Variants in PTPRT observed in about 807,000 individuals in gnomAD.
PTPRT encodes the protein protein tyrosine phosphatase receptor type T, also known as receptor-type tyrosine-protein phosphatase T.
PTPRT carries 56 observed loss-of-function variants against 176.8 expected under a neutral mutation model. That is an observed-to-expected ratio of 0.32 (90% CI 0.26 to 0.40). The LOEUF (loss-of-function observed/expected upper bound fraction) is 0.40, where lower values mean the gene tolerates loss of function less well. PTPRT is among the 10% of genes least tolerant of loss of function. The pLI, the probability that PTPRT is intolerant of heterozygous loss-of-function variation, is 1.00. For synonymous variants in PTPRT, 783 were observed against 739.0 expected (o/e 1.06, Z -0.96); for missense variants, 1,540 against 1,908.2 (o/e 0.81, Z 3.60).
intron 14 of PTPRT, among the ~76,000 whole-genome samples, chr20:42,246,457 G>T (rs1023310961): frequency 1.3e-5 from 2 of 152,182 alleles, no homozygotes; most frequent in Non-Finnish European, 2.9e-5. Context: ...GGGAGAAATG[G>T]TGATCATGTG....
intron 6 of PTPRT, among the ~76,000 whole-genome samples, chr20:42,689,561 T>C (rs1222100080): frequency 2.0e-5 from 3 of 152,118 alleles, no homozygotes; most frequent in African/African-American, 7.2e-5. Context: ...AATCTCTCAT[T>C]TCAGTATCAT....
At chr20:43,050,771 C>T (rs1987012616) in intron 1 of PTPRT, among the ~76,000 whole-genome samples, 2 of 152,192 alleles carry the variant, frequency 1.3e-5, no homozygotes, top group South Asian at 4.1e-4. Flanking sequence ...CAGAACCTCC[C>T]TCTCTGGTGG....
intron 11 of PTPRT, among the ~76,000 whole-genome samples, chr20:42,339,885 C>T (rs376434727): frequency 2.0e-5 from 3 of 152,282 alleles, no homozygotes; most frequent in South Asian, 2.1e-4. Flanking sequence ...AGGTCCCACG[C>T]TGTTTTCAGG....
intron 9 of PTPRT, among the ~76,000 whole-genome samples, chr20:42,427,240 G>A (rs907297587): frequency 2.6e-5 from 4 of 152,118 alleles, no homozygotes; most frequent in African/African-American, 9.7e-5. Flanking sequence ...ATACTTTACT[G>A]AGGTTAAGAA....
At chr20:42,062,029 C>T in the PTPRT span, among the ~76,000 whole-genome samples, 4 of 152,194 alleles carry the variant, frequency 2.6e-5, no homozygotes, top group African/African-American at 7.2e-5. Flanking sequence ...GGGAGGTGCC[C>T]TGGCCCAGCG....
At chr20:42,108,034 G>A (rs942007622) in intron 23 of PTPRT, among the ~76,000 whole-genome samples, 4 of 146,364 alleles carry the variant, frequency 2.7e-5, no homozygotes, top group Non-Finnish European at 4.6e-5. Flanking sequence ...TGTCTGGGAG[G>A]GAGTATAGGG....
At chr20:42,801,538 T>G (rs1272427258) in intron 2 of PTPRT, among the ~76,000 whole-genome samples, 1 of 152,222 alleles carries the variant, frequency 6.6e-6, no homozygotes, top group Non-Finnish European at 1.5e-5. Context: ...GTATTATTTG[T>G]GCACCTACTA....
At chr20:42,296,238 G>C (rs1246799844) in intron 12 of PTPRT, among the ~76,000 whole-genome samples, 4 of 152,172 alleles carry the variant, frequency 2.6e-5, no homozygotes, top group African/African-American at 9.7e-5. Context: ...ATGAGGTCAG[G>C]AGTTCGAGAC....
chr20:42,089,136 T>G (rs1020082681), intron 27 of PTPRT, among the ~76,000 whole-genome samples: 2 of 151,384 alleles, frequency 1.3e-5, no homozygotes, highest in African/African-American at 4.9e-5. Context: ...GTGTGTGTCT[T>G]GTCGGGCGCT....
At chr20:43,033,324 C>T (rs1986226559) in intron 1 of PTPRT, among the ~76,000 whole-genome samples, 1 of 152,136 alleles carries the variant, frequency 6.6e-6, no homozygotes, top group Admixed American at 6.5e-5. Context: ...AGCTTCCTCC[C>T]TTCGTGTGTT....
intron 1 of PTPRT, among the ~76,000 whole-genome samples, chr20:43,122,719 T>C (rs990052620): frequency 1.3e-5 from 2 of 152,216 alleles, no homozygotes; most frequent in African/African-American, 4.8e-5. Context: ...TCCAACATGA[T>C]TGTATGCTTC....
intron 8 of PTPRT, among the ~76,000 whole-genome samples, chr20:42,459,912 C>T (rs748298044): frequency 1.5e-4 from 23 of 151,082 alleles, no homozygotes; most frequent in Non-Finnish European, 3.3e-4. Context: ...CCACCATCCC[C>T]AGCCAGAAGG....
intron 7 of PTPRT, among the ~76,000 whole-genome samples, chr20:42,606,215 A>G (rs562614660): frequency 8.6e-5 from 13 of 151,110 alleles, no homozygotes; most frequent in Admixed American, 7.3e-4. Flanking sequence ...TTCCACCCCA[A>G]GATAAATAGA....
Position 42,236,262 on chromosome 20 carries a change from T to C in PTPRT, c.2313-4A>G, listed in dbSNP as rs772426498. ...GGAGTAGGAATAAGCATTTCTTCTA[T>C]ATATTGATGGGCAGTCAGATGAAGG... On this transcript the variant is annotated splice_polypyrimidine_tract_variant and splice_region_variant and intron_variant, in intron 14 of 30. Coordinates refer to ENST00000373187, the MANE Select transcript of PTPRT (RefSeq NM_007050.6). The C allele has an allele frequency of 1.9e-5, 31 of 1,596,258 alleles. No homozygotes were observed. The highest frequency in any genetic ancestry group is 1.7e-4 in the Admixed American group (10 of 59,658).
At chr20:42,046,101 G>A in the PTPRT span, among the ~76,000 whole-genome samples, 1 of 152,222 alleles carries the variant, frequency 6.6e-6, no homozygotes, top group Non-Finnish European at 1.5e-5. Flanking sequence ...CCTCTGCGTT[G>A]GTCTGGTCTG....
At chr20:43,130,814 CA>C (rs77205622) in intron 1 of PTPRT, among the ~76,000 whole-genome samples, 1,371 of 117,380 alleles carry the variant, frequency 0.012, 18 homozygotes, top group African/African-American at 0.04. Flanking sequence ...GAAGGATTTT[CA>C]AAAAAAAAAA....
intron 15 of PTPRT, among the ~76,000 whole-genome samples, chr20:42,231,882 G>A (rs1403903126): frequency 6.6e-6 from 1 of 152,136 alleles, no homozygotes; most frequent in African/African-American, 2.4e-5. Context: ...TTCTCATGTA[G>A]GGATACTTTC....
intron 1 of PTPRT, among the ~76,000 whole-genome samples, chr20:43,083,339 T>TACATATATAC (rs1555828940): frequency 9.2e-6 from 1 of 109,244 alleles, no homozygotes; most frequent in African/African-American, 3.5e-5. Context: ...TATATATATA[T>TACATATATAC]ATATATATAT....
intron 1 of PTPRT, among the ~76,000 whole-genome samples, chr20:42,979,988 G>A (rs1038747942): frequency 7.1e-5 from 8 of 113,236 alleles, no homozygotes; most frequent in South Asian, 3.8e-4. Context: ...GGGAAGGGGG[G>A]GTGGGGGGGG....
Sources: gnomAD v4.1 joint callset for allele counts (sites outside exome capture counted in the v4.1 genomes callset) on GRCh38, gnomAD v4.1.1 for gene constraint, MANE v1.5 for transcripts, NCBI Gene and HGNC (gene_info 2026-07-23, HGNC 2026-07-21) for gene names.